Variants in BMPR1A observed in about 807,000 individuals in gnomAD.
BMPR1A encodes bone morphogenetic protein receptor type 1A.
In BMPR1A, 7 loss-of-function variants were observed where a neutral mutation model predicts 66.0. The observed-to-expected ratio is 0.11, with a 90% CI of 0.06 to 0.20. The LOEUF (loss-of-function observed/expected upper bound fraction) is 0.20, where lower values mean the gene tolerates loss of function less well. Ranked by LOEUF, BMPR1A falls within the 10% of genes least tolerant of loss-of-function variation. BMPR1A has a pLI of 1.00. For missense variants in BMPR1A, 408 were observed against 669.1 expected, an observed-to-expected ratio of 0.61 and a Z score of 4.31; for synonymous variants, 200 against 229.7, an observed-to-expected ratio of 0.87 and a Z score of 1.17.
At chr10:86,918,215 T>C (rs1325944679) in intron 9 of BMPR1A, among the ~76,000 whole-genome samples, 1 of 152,198 alleles carries the variant, frequency 6.6e-6, no homozygotes, top group Non-Finnish European at 1.5e-5. Context: ...GTATGAGTCA[T>C]CTTAACTTGA....
At chr10:86,902,211 GA>G (rs1843321525) in intron 7 of BMPR1A, among the ~76,000 whole-genome samples, 1 of 152,046 alleles carries the variant, frequency 6.6e-6, no homozygotes, top group Non-Finnish European at 1.5e-5. Context: ...TTTCTTTTAA[GA>G]AAAGAACCAT....
chr10:86,855,443 TAG>T, intron 2 of BMPR1A: 1 of 635,568 alleles, frequency 1.6e-6, no homozygotes, highest in South Asian at 2.3e-5. Context: ...TTATGCCTAT[TAG>T]AGTTATTTCT....
In BMPR1A at chr10:86,806,937, C is replaced by G. The variant is rs150177544; in HGVS notation, c.-267-31928C>G. Among the ~76,000 whole-genome samples the G allele has an allele frequency of 4.4e-3, 662 of 151,998 alleles. 5 individuals are homozygous for G. Among genetic ancestry groups the G allele is most frequent in the East Asian group, 0.021 (110 of 5,156 alleles). ...CGGCTCTCGTGTCCTTTGGATATGG[C>G]CTTGTCATTTTTTCTTCCCTTTAAA... is the stretch of plus-strand genomic sequence containing the variant. On this transcript the variant is annotated intron_variant, in intron 1 of 12. Transcript: ENST00000372037.
At chr10:86,883,558 A>G (rs1843023444) in intron 3 of BMPR1A, among the ~76,000 whole-genome samples, 1 of 147,986 alleles carries the variant, frequency 6.8e-6, no homozygotes, top group Non-Finnish European at 1.5e-5. Flanking sequence ...TCAAAAAAAA[A>G]AAAAAAAAAA....
chr10:86,802,336 T>C (rs1319623530), intron 1 of BMPR1A, among the ~76,000 whole-genome samples: 1 of 152,156 alleles, frequency 6.6e-6, no homozygotes, highest in Non-Finnish European at 1.5e-5. Context: ...CCTTATATAC[T>C]GTACCCTACA....
At chr10:86,785,723 TCTC>T (rs1222671601) in intron 1 of BMPR1A, among the ~76,000 whole-genome samples, 2 of 152,250 alleles carry the variant, frequency 1.3e-5, no homozygotes, top group African/African-American at 4.8e-5. Context: ...GATACTGAAA[TCTC>T]CTGCTGTTAC....
chr10:86,834,804 A>G (rs560360524), intron 1 of BMPR1A, among the ~76,000 whole-genome samples: 13 of 152,242 alleles, frequency 8.5e-5, no homozygotes, highest in Admixed American at 2.0e-4. Context: ...GTAAACAGTA[A>G]TATCTTTAGC....
intron 11 of BMPR1A, among the ~76,000 whole-genome samples, chr10:86,922,043 TCCCCCCCCATC>T (rs1843672697): frequency 6.6e-6 from 1 of 151,680 alleles, no homozygotes; most frequent in South Asian, 2.1e-4. Context: ...TTATTAAACA[TCCCCCCCCATC>T]TGCTGCTACC....
At chr10:86,759,910 A>C (rs955586902) in intron 1 of BMPR1A, among the ~76,000 whole-genome samples, 11 of 151,950 alleles carry the variant, frequency 7.2e-5, no homozygotes, top group Admixed American at 3.3e-4. Flanking sequence ...CATTTTTTTC[A>C]GGAATTTATT....
chr10:86,771,541 TC>T (rs1373956697), intron 1 of BMPR1A, among the ~76,000 whole-genome samples: 6 of 152,186 alleles, frequency 3.9e-5, no homozygotes, highest in Admixed American at 2.0e-4. Context: ...GTTGCATAGT[TC>T]CTAAGTGGCA....
intron 1 of BMPR1A, among the ~76,000 whole-genome samples, chr10:86,814,776 C>CT (rs1842011190): frequency 6.6e-6 from 1 of 151,770 alleles, no homozygotes; most frequent in East Asian, 1.9e-4. Context: ...GATTCCTTCA[C>CT]TGTTTTTTTT....
At chr10:86,762,368 T>C (rs1841076408) in intron 1 of BMPR1A, among the ~76,000 whole-genome samples, 1 of 152,222 alleles carries the variant, frequency 6.6e-6, no homozygotes, top group Admixed American at 6.5e-5. Flanking sequence ...ATTTTTTTTC[T>C]TTCTTTTTGA....
intron 2 of BMPR1A, among the ~76,000 whole-genome samples, chr10:86,858,321 C>T (rs374754304): frequency 2.6e-5 from 4 of 152,134 alleles, no homozygotes; most frequent in East Asian, 1.9e-4. Context: ...GCTTTCTGTA[C>T]GTAATATGAT....
At chr10:86,845,180 T>C (rs115651796) in intron 2 of BMPR1A, among the ~76,000 whole-genome samples, 4,772 of 152,282 alleles carry the variant, frequency 0.031, 169 homozygotes, top group African/African-American at 0.087. Context: ...TACTGGCTGA[T>C]AGGTTATTTG....
At chr10:86,826,829 A>C (rs1481547668) in intron 1 of BMPR1A, among the ~76,000 whole-genome samples, 3 of 149,424 alleles carry the variant, frequency 2.0e-5, no homozygotes, top group African/African-American at 7.4e-5. Context: ...TTGTATTCCA[A>C]AATTATAGAA....
intron 5 of BMPR1A, among the ~76,000 whole-genome samples, chr10:86,892,978 GC>G (rs1843174283): frequency 6.6e-6 from 1 of 151,476 alleles, no homozygotes; most frequent in Non-Finnish European, 1.5e-5. Flanking sequence ...AATAATTGCA[GC>G]TAACGTTTCT....
intron 1 of BMPR1A, among the ~76,000 whole-genome samples, chr10:86,780,961 C>A (rs1841428213): frequency 6.6e-6 from 1 of 152,118 alleles, no homozygotes; most frequent in South Asian, 2.1e-4. Context: ...AGCAATCCTC[C>A]CACAGTGCTG....
intron 1 of BMPR1A, among the ~76,000 whole-genome samples, chr10:86,797,048 CTTTCTTTTTCT>C (rs1841722968): frequency 7.0e-6 from 1 of 142,200 alleles, no homozygotes; most frequent in Non-Finnish European, 1.5e-5. Flanking sequence ...CTTATTTTTC[CTTTCTTTTTCT>C]TTTCTTTTCT....
chr10:86,766,876 T>A (rs945125192), intron 1 of BMPR1A, among the ~76,000 whole-genome samples: 14 of 149,252 alleles, frequency 9.4e-5, no homozygotes, highest in Non-Finnish European at 4.4e-5. Flanking sequence ...CAGGCTGGAG[T>A]GCAGTGGTGC....
Sources: gnomAD v4.1 joint callset for allele counts (sites outside exome capture counted in the v4.1 genomes callset) on GRCh38, gnomAD v4.1.1 for gene constraint, MANE v1.5 for transcripts, NCBI Gene and HGNC (gene_info 2026-07-23, HGNC 2026-07-21) for gene names.